The following PHC2 variants were observed in gnomAD, a reference collection of about 807,000 sequenced individuals.
PHC2 encodes polyhomeotic-like protein 2.
PHC2 carries 29 observed loss-of-function variants against 87.4 expected under a neutral mutation model. The observed-to-expected ratio is 0.33, with a 90% CI of 0.25 to 0.45. The LOEUF (loss-of-function observed/expected upper bound fraction) is 0.45. Among genes scored for constraint, PHC2 ranks in the 20% least tolerant of loss-of-function variants. The pLI is 1.00. For synonymous variants in PHC2, 438 were observed against 461.7 expected, an observed-to-expected ratio of 0.95 and a Z score of 0.66; for missense variants, 857 against 1,136.7, an observed-to-expected ratio of 0.75 and a Z score of 3.54.
At chr1:33,429,368 A>C (rs1650808626) in intron 1 of PHC2, among the ~76,000 whole-genome samples, 1 of 152,236 alleles carries the variant, frequency 6.6e-6, no homozygotes, top group African/African-American at 2.4e-5. Flanking sequence ...AAGGAAAAAA[A>C]GCCATAGTTA....
intron 1 of PHC2, among the ~76,000 whole-genome samples, chr1:33,380,357 C>T (rs1347733693): frequency 1.3e-5 from 2 of 152,208 alleles, no homozygotes; most frequent in Non-Finnish European, 2.9e-5. Flanking sequence ...TATCCCCTAA[C>T]CTCTAATCTA....
At chr1:33,360,487 T>C (rs1013976877) in intron 7 of PHC2, among the ~76,000 whole-genome samples, 33 of 152,384 alleles carry the variant, frequency 2.2e-4, no homozygotes, top group African/African-American at 7.5e-4. Flanking sequence ...CTTAGATAAA[T>C]TGCTCAACCT....
chr1:33,359,848 T>G (rs1280296697), intron 7 of PHC2, among the ~76,000 whole-genome samples: 1 of 152,204 alleles, frequency 6.6e-6, no homozygotes. Context: ...TTCAGGGATC[T>G]CCAGGGCATC....
chr1:33,363,443 G>A (rs758661517), intron 7 of PHC2, among the ~76,000 whole-genome samples: 2 of 152,192 alleles, frequency 1.3e-5, no homozygotes, highest in Non-Finnish European at 2.9e-5. Flanking sequence ...TGCTTTGGGA[G>A]GGAAATAGGG....
intron 1 of PHC2, among the ~76,000 whole-genome samples, chr1:33,417,133 C>G (rs916556861): frequency 1.3e-5 from 2 of 151,400 alleles, no homozygotes; most frequent in Non-Finnish European, 2.9e-5. Flanking sequence ...AAAACAAAGA[C>G]ACATAAGCAA....
At chr1:33,392,715 G>C (rs1649122090) in intron 1 of PHC2, 2 of 151,870 alleles carry the variant, frequency 1.3e-5, no homozygotes, top group African/African-American at 4.8e-5. Flanking sequence ...TGGTGTCCCC[G>C]CCTTCAAGAT....
chr1:33,410,380 A>C (rs1649934715), intron 1 of PHC2, among the ~76,000 whole-genome samples: 1 of 152,216 alleles, frequency 6.6e-6, no homozygotes, highest in African/African-American at 2.4e-5. Context: ...GACAGAGCTA[A>C]AGAATGGGCT....
At chr1:33,429,398 A>G (rs1475607607) in intron 1 of PHC2, among the ~76,000 whole-genome samples, 1 of 152,250 alleles carries the variant, frequency 6.6e-6, no homozygotes, top group African/African-American at 2.4e-5. Flanking sequence ...GCCATTCCCT[A>G]GAGATAACAT....
At chr1:33,425,138 C>G (rs1650615977) in intron 1 of PHC2, among the ~76,000 whole-genome samples, 1 of 152,106 alleles carries the variant, frequency 6.6e-6, no homozygotes, top group Admixed American at 6.5e-5. Context: ...TATCTTTGGA[C>G]TAGGGGTGCT....
chr1:33,360,483 T>A lies in PHC2; in HGVS notation c.977-5230A>T, dbSNP rs187925617. On this transcript the variant is annotated intron_variant, in intron 7 of 14. Coordinates refer to ENST00000683057, the MANE Select transcript of PHC2 (RefSeq NM_001385109.1). Reference sequence around the variant, plus strand: ...CACTGATAGGCTGTGCAATCTTAGATAAATTGCTCAACCTCTCTGTATCTT... The same window carrying A: ...CACTGATAGGCTGTGCAATCTTAGAAAAATTGCTCAACCTCTCTGTATCTT... Among the ~76,000 whole-genome samples, 520 of 124,900 alleles carry A rather than the reference T, an allele frequency of 4.2e-3. 2 individuals are homozygous for A. The highest frequency in any genetic ancestry group is 7.7e-3 in the Non-Finnish European group (404 of 52,258). 81.9% of individuals were successfully genotyped at this position (124,900 alleles called of 152,430 possible).
At chr1:33,393,902 G>A (rs1245043610) in intron 1 of PHC2, among the ~76,000 whole-genome samples, 2 of 152,194 alleles carry the variant, frequency 1.3e-5, no homozygotes, top group African/African-American at 2.4e-5. Flanking sequence ...ATTAAAGGAA[G>A]TGGTGACAGC....
chr1:33,347,425 A>G, intron 9 of PHC2: 3 of 985,302 alleles, frequency 3.0e-6, no homozygotes, highest in Non-Finnish European at 3.6e-6. Context: ...TAAATAATAT[A>G]TATGGAGTGA....
intron 1 of PHC2, among the ~76,000 whole-genome samples, chr1:33,415,294 C>A (rs963375669): frequency 5.9e-5 from 9 of 152,166 alleles, no homozygotes; most frequent in Admixed American, 2.0e-4. Flanking sequence ...TGGAAGGGAG[C>A]AGGCAGAACC....
At chr1:33,339,857 C>T (rs1439624789) in intron 9 of PHC2, among the ~76,000 whole-genome samples, 2 of 152,188 alleles carry the variant, frequency 1.3e-5, no homozygotes, top group Non-Finnish European at 2.9e-5. Context: ...TTGAGCATCC[C>T]AAATCCAAAA....
At chr1:33,386,622 G>A (rs1557842290) in intron 1 of PHC2, among the ~76,000 whole-genome samples, 1 of 152,070 alleles carries the variant, frequency 6.6e-6, no homozygotes. Context: ...TTGAGCACAG[G>A]AGTTCATGAC....
At chr1:33,398,802 G>A (rs1649398656) in intron 1 of PHC2, among the ~76,000 whole-genome samples, 1 of 152,264 alleles carries the variant, frequency 6.6e-6, no homozygotes, top group East Asian at 1.9e-4. Context: ...ACACAGATGG[G>A]AGGCACTGGT....
At position 33,372,352 on chromosome 1, in the gene PHC2, G is replaced by T. The variant is rs145356735; in HGVS notation, c.270C>A (p.Thr90=). The change falls in exon 3 of 15, where the codon ACC becomes ACA. Residue 90 remains threonine (T), a synonymous_variant. Transcript: ENST00000683057. ...AAQQQHLMLQ[T]AALQQQHLSS... ...TGAGGTGCTGCTGCTGGAGCGCCGC[G>T]GTCTGCAGCATGAGGTGCTGCTGCT... The T allele has an allele frequency of 1.9e-6, 3 of 1,604,720 alleles. No individual in the cohort carries two copies. Among genetic ancestry groups the T allele is most frequent in the Admixed American group, 1.7e-5 (1 of 59,374 alleles).
chr1:33,378,712 A>T (rs1193617281), intron 1 of PHC2, among the ~76,000 whole-genome samples: 1 of 152,140 alleles, frequency 6.6e-6, no homozygotes, highest in Non-Finnish European at 1.5e-5. Flanking sequence ...TCAAGAGAGT[A>T]AGAGAGCACA....
In PHC2 at chr1:33,367,228, C is replaced by T. The variant is rs374691546; in HGVS notation, c.864G>A (p.Met288Ile). The T allele has an allele frequency of 8.1e-6, 13 of 1,614,164 alleles. No individual in the cohort carries two copies. The Admixed American group carries it at 1.8e-4, about 23-fold the overall frequency. The change falls in exon 7 of 15, where the codon ATG becomes ATA. Residue 288 changes from methionine (M) to isoleucine (I), a missense_variant. Met to Ile is a conservative substitution (Grantham distance 10). Coordinates refer to ENST00000683057, the MANE Select transcript of PHC2 (RefSeq NM_001385109.1). ...TGCCATCTCCTTTCTTGTGTGGCTC[C>T]ATCACACTGTCAGCTATGCCAGGCT... ...GAKPGIADSV[M>I]EPHKKGDGNS...
Sources: allele counts gnomAD v4.1 joint callset (sites outside exome capture counted in the v4.1 genomes callset), GRCh38; gene constraint gnomAD v4.1.1; transcripts MANE v1.5; gene names NCBI Gene and HGNC (gene_info 2026-07-23, HGNC 2026-07-21).